The following MYO3A variants were observed in gnomAD, a reference collection of about 807,000 sequenced individuals.
The protein encoded by MYO3A is myosin IIIA, also known as myosin-IIIa.
In MYO3A, 180 loss-of-function variants were observed where a neutral mutation model predicts 192.7. The ratio of observed to expected loss-of-function variants is 0.93; its 90% CI spans 0.83 to 1.06. The LOEUF is 1.06. MYO3A is among the 50% of genes least tolerant of loss of function. MYO3A has a pLI of 0.00. For synonymous variants in MYO3A, 628 were observed against 645.3 expected, an observed-to-expected ratio of 0.97 and a Z score of 0.41; for missense variants, 1,896 against 1,905.0, an observed-to-expected ratio of 1.00 and a Z score of 0.09.
intron 14 of MYO3A, among the ~76,000 whole-genome samples, chr10:26,076,168 T>C (rs1835562932): frequency 6.6e-6 from 1 of 152,104 alleles, no homozygotes; most frequent in Non-Finnish European, 1.5e-5. Context: ...TGCTGTTTTT[T>C]GATTTTTTGG....
At chr10:26,089,494 G>A (rs539220083) in intron 15 of MYO3A, among the ~76,000 whole-genome samples, 59 of 151,984 alleles carry the variant, frequency 3.9e-4, no homozygotes, top group African/African-American at 1.4e-3. Flanking sequence ...CCAGCTACTC[G>A]GGAGGCTGAG....
intron 18 of MYO3A, among the ~76,000 whole-genome samples, chr10:26,123,397 A>G (rs1389685031): frequency 6.6e-6 from 1 of 152,232 alleles, no homozygotes; most frequent in Non-Finnish European, 1.5e-5. Context: ...AAATATTGCA[A>G]TTTTCAAACT....
intron 10 of MYO3A, among the ~76,000 whole-genome samples, chr10:26,062,624 G>A (rs1446930864): frequency 7.3e-5 from 11 of 151,328 alleles, no homozygotes; most frequent in Admixed American, 7.3e-4. Context: ...AACATGATTT[G>A]CAAATAGTTT....
chr10:26,061,538 T>C (rs1834478827), intron 10 of MYO3A, among the ~76,000 whole-genome samples: 1 of 152,200 alleles, frequency 6.6e-6, no homozygotes, highest in Admixed American at 6.5e-5. Flanking sequence ...TTAAGAGCCC[T>C]TCTGTACGGA....
chr10:25,943,479 T>C (rs1018646367), intron 2 of MYO3A, among the ~76,000 whole-genome samples: 1 of 152,152 alleles, frequency 6.6e-6, no homozygotes, highest in Non-Finnish European at 1.5e-5. Context: ...ATATTGACAT[T>C]TAACCAATAT....
At chr10:26,167,726 A>C (rs1009687240) in intron 27 of MYO3A, among the ~76,000 whole-genome samples, 1 of 152,230 alleles carries the variant, frequency 6.6e-6, no homozygotes, top group African/African-American at 2.4e-5. Flanking sequence ...AAATGTATTA[A>C]CATCTAGAGT....
chr10:25,975,816 A>G (rs1458772313), intron 4 of MYO3A, among the ~76,000 whole-genome samples: 1 of 152,236 alleles, frequency 6.6e-6, no homozygotes, highest in Non-Finnish European at 1.5e-5. Context: ...CCACAATTGC[A>G]TTAACAGAAT....
In MYO3A at chr10:26,174,248, T is replaced by C. The variant is rs958893236; in HGVS notation, c.3984T>C (p.His1328=). The change falls in exon 30 of 35, where the codon CAT becomes CAC. Residue 1328 remains histidine, a synonymous_variant. Transcript: ENST00000642920. ...SQEEGRGRLR[H]ETVKERQVEP... ...AGGAAGGCAGAGGCCGTCTGAGGCA[T>C]GAGACAGTCAAAGAGAGGCAAGTTG... 5.0e-6 allele frequency: 8 copies of C among 1,614,084 alleles called. No homozygotes were observed. The highest frequency in any genetic ancestry group is 6.8e-6 in the Non-Finnish European group (8 of 1,180,012).
chr10:26,154,032 T>G, intron 24 of MYO3A, 103 bp downstream of exon 24: 1 of 860,706 alleles, frequency 1.2e-6, no homozygotes, highest in South Asian at 1.5e-5. Context: ...TCTTAGTTTT[T>G]CTCCCTTTGA....
intron 28 of MYO3A, 100 bp downstream of exon 28, chr10:26,168,974 C>A: frequency 8.3e-7 from 1 of 1,206,406 alleles, no homozygotes. Flanking sequence ...GTGTTTAATT[C>A]CAGACTGTGT....
At chr10:25,995,885 C>T (rs1015501598) in intron 4 of MYO3A, among the ~76,000 whole-genome samples, 3 of 152,222 alleles carry the variant, frequency 2.0e-5, no homozygotes, top group Non-Finnish European at 2.9e-5. Flanking sequence ...GAGGGGTACC[C>T]GGCCCTGTGA....
chr10:26,003,977 C>A (rs867058062), intron 6 of MYO3A, among the ~76,000 whole-genome samples: 5 of 152,120 alleles, frequency 3.3e-5, no homozygotes, highest in African/African-American at 1.2e-4. Context: ...TTTTTAGCAC[C>A]AAGTGAGGCA....
chr10:26,111,544 A>T (rs990549339), intron 17 of MYO3A, among the ~76,000 whole-genome samples: 1 of 152,046 alleles, frequency 6.6e-6, no homozygotes, highest in Non-Finnish European at 1.5e-5. Flanking sequence ...CTTCCACTGC[A>T]TCATTTCTCC....
intron 10 of MYO3A, among the ~76,000 whole-genome samples, chr10:26,065,773 G>A (rs1158955389): frequency 2.0e-5 from 3 of 151,856 alleles, no homozygotes; most frequent in Non-Finnish European, 2.9e-5. Context: ...AAAGCAGTGG[G>A]AGTGATGTCC....
intron 23 of MYO3A, among the ~76,000 whole-genome samples, chr10:26,150,221 T>C (rs74129112): frequency 0.097 from 14,829 of 152,228 alleles, 797 homozygotes; most frequent in Non-Finnish European, 0.12. Flanking sequence ...ACTTTTTATA[T>C]ATTGCTGAAT....
At chr10:26,089,670 A>C (rs1270628603) in intron 15 of MYO3A, among the ~76,000 whole-genome samples, 1 of 152,130 alleles carries the variant, frequency 6.6e-6, no homozygotes, top group Non-Finnish European at 1.5e-5. Flanking sequence ...ACACCGTTTT[A>C]ATCCACTTTG....
At chr10:26,208,426 C>G (rs975545847) in intron 34 of MYO3A, among the ~76,000 whole-genome samples, 2 of 152,160 alleles carry the variant, frequency 1.3e-5, no homozygotes, top group African/African-American at 4.8e-5. Flanking sequence ...GGGTTTGAAT[C>G]TGCACTCCAC....
chr10:26,185,630 G>A (rs1275904066), intron 31 of MYO3A, among the ~76,000 whole-genome samples: 6 of 151,882 alleles, frequency 4.0e-5, no homozygotes, highest in African/African-American at 1.2e-4. Flanking sequence ...GTGAGCCACC[G>A]CACACAGCCC....
At chr10:25,978,892 G>A (rs1222691403) in intron 4 of MYO3A, among the ~76,000 whole-genome samples, 1 of 152,104 alleles carries the variant, frequency 6.6e-6, no homozygotes, top group African/African-American at 2.4e-5. Flanking sequence ...TACTATTGTT[G>A]CTAGTGGTAA....
Sources: allele counts gnomAD v4.1 joint callset (sites outside exome capture counted in the v4.1 genomes callset), GRCh38; gene constraint gnomAD v4.1.1; transcripts MANE v1.5; gene names NCBI Gene and HGNC (gene_info 2026-07-23, HGNC 2026-07-21).